The following LCMT1 variants were observed in gnomAD, a reference collection of about 807,000 sequenced individuals.
LCMT1 encodes the protein leucine carboxyl methyltransferase 1.
A neutral mutation model predicts 47.7 loss-of-function variants in LCMT1; 32 were observed. The ratio of observed to expected loss-of-function variants is 0.67; its 90% confidence interval spans 0.51 to 0.90. The LOEUF (loss-of-function observed/expected upper bound fraction) is 0.90, where lower values mean the gene tolerates loss of function less well. Ranked by LOEUF, LCMT1 falls within the 40% of genes least tolerant of loss-of-function variation. The pLI is 0.00. For synonymous variants in LCMT1, 152 were observed against 149.7 expected (o/e 1.02, Z -0.11); for missense variants, 375 against 415.2 (o/e 0.90, Z 0.84).
intron 7 of LCMT1, among the ~76,000 whole-genome samples, chr16:25,167,001 T>C (rs1050002822): frequency 2.0e-5 from 3 of 152,252 alleles, no homozygotes; most frequent in Non-Finnish European, 4.4e-5. Context: ...TTTGTACTGC[T>C]GCTTTCCCTT....
intron 1 of LCMT1, among the ~76,000 whole-genome samples, chr16:25,120,519 G>A (rs1959941573): frequency 6.6e-6 from 1 of 151,412 alleles, no homozygotes; most frequent in Non-Finnish European, 1.5e-5. Flanking sequence ...CTACCTCCCA[G>A]GTTCAAGCGA....
Position 25,178,202 on chromosome 16 carries a change from T to G in LCMT1, c.*179T>G. The G allele has an allele frequency of 1.7e-6, 1 of 590,664 alleles. No homozygotes were observed. Among genetic ancestry groups the G allele is most frequent in the Non-Finnish European group, 2.9e-6 (1 of 340,008 alleles). 36.6% of individuals were successfully genotyped at this position (590,664 alleles called of 1,614,324 possible). A position where few individuals can be genotyped will look rare whatever the true frequency, so the allele number is the denominator to read the frequency against. On this transcript the variant is annotated 3_prime_UTR_variant, in exon 11 of 11. Coordinates refer to ENST00000399069, the MANE Select transcript of LCMT1 (RefSeq NM_016309.3). ...CTTCCTGTTCCTGTTGACATGTCGT[T>G]GTTTAAATAAATCTCACTTGCCACC... is the stretch of plus-strand genomic sequence containing the variant.
chr16:25,120,591 C>T (rs148777767), intron 1 of LCMT1, among the ~76,000 whole-genome samples: 26 of 151,956 alleles, frequency 1.7e-4, no homozygotes, highest in African/African-American at 5.3e-4. Context: ...CCACCACACG[C>T]GGCTAATTTT....
intron 1 of LCMT1, among the ~76,000 whole-genome samples, chr16:25,115,307 G>T (rs562548372): frequency 2.0e-5 from 3 of 152,024 alleles, no homozygotes; most frequent in Non-Finnish European, 4.4e-5. Context: ...TTCATCCCTC[G>T]GTAATTCTGT....
intron 1 of LCMT1, among the ~76,000 whole-genome samples, chr16:25,124,501 G>A (rs1960098305): frequency 6.6e-6 from 1 of 152,172 alleles, no homozygotes; most frequent in Admixed American, 6.5e-5. Flanking sequence ...GATCTTATGG[G>A]GGTTCCTATT....
chr16:25,161,666 T>C (rs1961438364), intron 6 of LCMT1, among the ~76,000 whole-genome samples: 1 of 152,196 alleles, frequency 6.6e-6, no homozygotes, highest in East Asian at 1.9e-4. Context: ...TTCAAGTCTG[T>C]TTCTACATCA....
At chr16:25,114,830 C>G (rs1370134238) in intron 1 of LCMT1, among the ~76,000 whole-genome samples, 2 of 152,208 alleles carry the variant, frequency 1.3e-5, no homozygotes, top group East Asian at 1.9e-4. Flanking sequence ...GTGTGTCTCC[C>G]GCGTCTCATT....
chr16:25,135,374 GC>G (rs1480731597), intron 3 of LCMT1, among the ~76,000 whole-genome samples: 1 of 151,894 alleles, frequency 6.6e-6, no homozygotes, highest in Non-Finnish European at 1.5e-5. Context: ...CTGGCCCACA[GC>G]CTGTTTTTGT....
At chr16:25,117,587 C>T (rs1209807619) in intron 1 of LCMT1, among the ~76,000 whole-genome samples, 1 of 152,160 alleles carries the variant, frequency 6.6e-6, no homozygotes, top group Non-Finnish European at 1.5e-5. Context: ...GGTGCGGTGG[C>T]TCACACCTGT....
chr16:25,151,693 T>A, intron 5 of LCMT1, 78 bp downstream of exon 5: 1 of 576,020 alleles, frequency 1.7e-6, no homozygotes, highest in Non-Finnish European at 2.8e-6. Flanking sequence ...GGGGTTTGTG[T>A]TGGGTGTGTG....
chr16:25,174,244 A>T (rs1961862247), intron 9 of LCMT1, among the ~76,000 whole-genome samples: 1 of 152,246 alleles, frequency 6.6e-6, no homozygotes, highest in African/African-American at 2.4e-5. Flanking sequence ...TACATTTAAA[A>T]GGCTTTTTGG....
At position 25,177,852 on chromosome 16, in the gene LCMT1, C is replaced by T. The variant is rs530017561; in HGVS notation, c.983-149C>T. Reference sequence around the variant, plus strand: ...TCTTACCCAACCTTTTGTTTCCTTGCGAAACCTCATTTTATGTAGCAGGAG... The same window carrying T: ...TCTTACCCAACCTTTTGTTTCCTTGTGAAACCTCATTTTATGTAGCAGGAG... On this transcript the variant is annotated intron_variant, in intron 10 of 10. Coordinates refer to ENST00000399069, the MANE Select transcript of LCMT1 (RefSeq NM_016309.3). 90 of 724,112 alleles carry T rather than the reference C, an allele frequency of 1.2e-4. 1 individual carries two copies. The Middle Eastern group carries it at 2.0e-3, about 16-fold the overall frequency. 44.9% of individuals were successfully genotyped at this position (724,112 alleles called of 1,614,324 possible).
chr16:25,153,473 CTCCCAATCCCAA>C (rs58539375), intron 5 of LCMT1, among the ~76,000 whole-genome samples: 1 of 151,910 alleles, frequency 6.6e-6, no homozygotes, highest in South Asian at 2.1e-4. Context: ...TCAGAACACA[CTCCCAATCCCAA>C]TCCCAATCCC....
At chr16:25,171,421 A>G (rs893919442) in intron 9 of LCMT1, among the ~76,000 whole-genome samples, 2 of 152,090 alleles carry the variant, frequency 1.3e-5, no homozygotes, top group African/African-American at 4.8e-5. Flanking sequence ...CAAAAAAACA[A>G]ACAAACAAAC....
chr16:25,174,162 A>G (rs1370703046), intron 9 of LCMT1, among the ~76,000 whole-genome samples: 4 of 152,000 alleles, frequency 2.6e-5, no homozygotes, highest in African/African-American at 9.7e-5. Context: ...TCCACCCACC[A>G]TGGCCTCCCA....
At chr16:25,121,180 C>T (rs1959975707) in intron 1 of LCMT1, among the ~76,000 whole-genome samples, 1 of 151,566 alleles carries the variant, frequency 6.6e-6, no homozygotes. Flanking sequence ...GTAATCCCAG[C>T]ACTTTGGGAG....
chr16:25,173,715 G>GT (rs11378137), intron 9 of LCMT1, among the ~76,000 whole-genome samples: 34,462 of 149,848 alleles, frequency 0.23, 4,042 homozygotes, highest in East Asian at 0.34. Context: ...CTTTTTTTTT[G>GT]TTTTTTTTTG....
At chr16:25,169,249 C>T (rs750721571) in intron 8 of LCMT1, 36 bp downstream of exon 8, 72 of 1,332,386 alleles carry the variant, frequency 5.4e-5, no homozygotes, top group Non-Finnish European at 6.9e-5. Context: ...CATTTGGACC[C>T]TTAGTCAACC....
At chr16:25,126,611 A>G (rs1056043558) in intron 1 of LCMT1, among the ~76,000 whole-genome samples, 6 of 152,158 alleles carry the variant, frequency 3.9e-5, no homozygotes. Context: ...CACTTGGCAG[A>G]CACCCACATG....
Sources: gnomAD v4.1 joint callset for allele counts (sites outside exome capture counted in the v4.1 genomes callset) on GRCh38, gnomAD v4.1.1 for gene constraint, MANE v1.5 for transcripts, NCBI Gene and HGNC (gene_info 2026-07-23, HGNC 2026-07-21) for gene names.